The following MIPEP variants were observed in gnomAD, a reference collection of about 807,000 sequenced individuals.
MIPEP encodes the protein mitochondrial intermediate peptidase.
A neutral mutation model predicts 90.3 loss-of-function variants in MIPEP; 79 were observed. The observed-to-expected ratio is 0.87, with a 90% CI of 0.73 to 1.05. The LOEUF (loss-of-function observed/expected upper bound fraction) is 1.05. MIPEP is among the 50% of genes least tolerant of loss of function. MIPEP has a pLI of 0.00. For synonymous variants in MIPEP, 334 were observed against 315.8 expected, an observed-to-expected ratio of 1.06 and a Z score of -0.61; for missense variants, 940 against 905.6, an observed-to-expected ratio of 1.04 and a Z score of -0.49.
At chr13:23,854,901 G>GAAAA (rs58441886) in intron 10 of MIPEP, among the ~76,000 whole-genome samples, 3 of 148,158 alleles carry the variant, frequency 2.0e-5, no homozygotes, top group Non-Finnish European at 3.0e-5. Flanking sequence ...CAAAAAAAAA[G>GAAAA]AAAAAAAAAC....
intron 14 of MIPEP, among the ~76,000 whole-genome samples, chr13:23,815,939 ATCTC>A (rs1183930031): frequency 3.3e-5 from 5 of 152,150 alleles, no homozygotes; most frequent in Non-Finnish European, 5.9e-5. Context: ...TAATCAGAAA[ATCTC>A]TCTCTTCTGA....
intron 14 of MIPEP, among the ~76,000 whole-genome samples, chr13:23,815,983 A>C (rs546198016): frequency 6.6e-6 from 1 of 152,352 alleles, no homozygotes; most frequent in African/African-American, 2.4e-5. Flanking sequence ...CTATAAGTCT[A>C]GATAGTTCAG....
At chr13:23,730,794 T>G (rs1952196356) in intron 18 of MIPEP, among the ~76,000 whole-genome samples, 1 of 152,238 alleles carries the variant, frequency 6.6e-6, no homozygotes, top group Admixed American at 6.5e-5. Context: ...TGATTCACAA[T>G]TTAACAAGTT....
At chr13:23,873,266 G>GA (rs1870914753) in intron 5 of MIPEP, among the ~76,000 whole-genome samples, 2 of 152,332 alleles carry the variant, frequency 1.3e-5, no homozygotes, top group South Asian at 4.1e-4. Flanking sequence ...GCACAGCCAC[G>GA]AGTGTGAGCT....
chr13:23,882,568 GTTC>G (rs1871313995), intron 2 of MIPEP, among the ~76,000 whole-genome samples: 1 of 152,110 alleles, frequency 6.6e-6, no homozygotes, highest in African/African-American at 2.4e-5. Flanking sequence ...ATGAGTGACA[GTTC>G]TTTTTTAAAA....
At chr13:23,774,598 A>G (rs7320260) in intron 16 of MIPEP, among the ~76,000 whole-genome samples, 117,967 of 151,952 alleles carry the variant, frequency 0.78, 46,197 homozygotes, top group Admixed American at 0.83. Flanking sequence ...TTTACAGTTT[A>G]TACTTTACAA....
At chr13:23,776,132 C>A (rs1010831151) in intron 16 of MIPEP, among the ~76,000 whole-genome samples, 1 of 152,090 alleles carries the variant, frequency 6.6e-6, no homozygotes, top group Admixed American at 6.6e-5. Context: ...TTTTTGCCTG[C>A]AGCTTATATC....
chr13:23,813,165 G>GT (rs1289138757), intron 14 of MIPEP, among the ~76,000 whole-genome samples: 8 of 151,988 alleles, frequency 5.3e-5, no homozygotes, highest in Non-Finnish European at 1.2e-4. Flanking sequence ...TTTTAAAGTT[G>GT]TATCTAAAGT....
chr13:23,764,487 G>A (rs968090798), intron 16 of MIPEP, among the ~76,000 whole-genome samples: 2 of 152,216 alleles, frequency 1.3e-5, no homozygotes, highest in Non-Finnish European at 2.9e-5. Context: ...ACAGGGGCTA[G>A]TGCAGAGCAA....
chr13:23,832,261 T>C (rs1362169898), intron 14 of MIPEP, among the ~76,000 whole-genome samples: 3 of 152,192 alleles, frequency 2.0e-5, no homozygotes, highest in Admixed American at 2.0e-4. Context: ...TGTGAGGCCC[T>C]GAGCCACCTT....
Position 23,841,390 on chromosome 13 carries a change from A to G in MIPEP, c.1205T>C (p.Leu402Ser), listed in dbSNP as rs150781616. The G allele has an allele frequency of 1.5e-5, 25 of 1,614,126 alleles. No homozygotes were observed. The highest frequency in any genetic ancestry group is 1.6e-4 in the Middle Eastern group (1 of 6,062). ...TCCTTTTGCAGGCTGCTCTGCATAT[A>G]ATGAAATCCCCAACAGTCTGTTAAG... Reference protein sequence around the residue: ...ILLNRLLGISLYAEQPAKGEV... With the variant: ...ILLNRLLGISSYAEQPAKGEV... Residue 402 changes from leucine (L) to serine (S), a missense_variant, in exon 11 of 19, where the codon TTA becomes TCA. Coordinates refer to ENST00000382172, the MANE Select transcript of MIPEP (RefSeq NM_005932.4).
intron 16 of MIPEP, chr13:23,760,443 C>G (rs1952529605): frequency 2.8e-6 from 2 of 713,886 alleles, no homozygotes; most frequent in Admixed American, 3.8e-5. Flanking sequence ...AAAGCCATAC[C>G]TCAGAATGTG....
At chr13:23,781,501 T>C (rs9580753) in intron 16 of MIPEP, among the ~76,000 whole-genome samples, 11,969 of 152,226 alleles carry the variant, frequency 0.079, 1,568 homozygotes, top group African/African-American at 0.27. Context: ...TGCAAAAACA[T>C]GCCAAATTGT....
At chr13:23,803,860 T>A (rs2137397075) in intron 16 of MIPEP, among the ~76,000 whole-genome samples, 1 of 152,118 alleles carries the variant, frequency 6.6e-6, no homozygotes, top group Admixed American at 6.6e-5. Flanking sequence ...TCTCAGACAC[T>A]TTTTTTTAAA....
In MIPEP at chr13:23,874,910, C is replaced by T. The variant is rs561112182; in HGVS notation, c.540-1G>A. ...AAACATAAACAGTTCAGCCACTCGC[C>T]TATAAATGAAATGAGCCCCAGGTTA... On this transcript the variant is annotated splice_acceptor_variant, in intron 4 of 18. Coordinates refer to ENST00000382172, the MANE Select transcript of MIPEP (RefSeq NM_005932.4). LOFTEE classifies it high-confidence loss of function. The T allele has an allele frequency of 1.8e-5, 28 of 1,595,976 alleles. No individual in the cohort carries two copies. Among genetic ancestry groups the T allele is most frequent in the South Asian group, 1.7e-4 (15 of 86,822 alleles).
intron 16 of MIPEP, among the ~76,000 whole-genome samples, chr13:23,799,532 T>C (rs1740819677): frequency 6.6e-6 from 1 of 150,744 alleles, no homozygotes; most frequent in African/African-American, 2.4e-5. Flanking sequence ...TTCACCGTGT[T>C]AGCCAGGATG....
intron 14 of MIPEP, among the ~76,000 whole-genome samples, chr13:23,827,392 C>G (rs1868517340): frequency 6.6e-6 from 1 of 152,012 alleles, no homozygotes; most frequent in African/African-American, 2.4e-5. Flanking sequence ...GAAAAGAAAG[C>G]CCAAAGAGGC....
At position 23,791,089 on chromosome 13, in the gene MIPEP, A is replaced by G. The variant is rs538627829; in HGVS notation, c.1848+14861T>C. On this transcript the variant is annotated intron_variant, in intron 16 of 18. Coordinates refer to ENST00000382172, the MANE Select transcript of MIPEP (RefSeq NM_005932.4). ...CACAATCCACTTCCAAATGTTCACC[A>G]GGCCAGAGCTCCCTCATGTGCTCAC... Among the ~76,000 whole-genome samples, 33 of 152,262 alleles carry G rather than the reference A, an allele frequency of 2.2e-4. No homozygotes were observed. In the East Asian group the frequency reaches 5.0e-3, roughly 23 times the overall value.
intron 14 of MIPEP, among the ~76,000 whole-genome samples, chr13:23,829,119 C>G (rs567680708): frequency 2.0e-5 from 3 of 152,100 alleles, no homozygotes; most frequent in Non-Finnish European, 4.4e-5. Context: ...GTTACTCACA[C>G]GGAAGAAAGT....
Sources: allele counts gnomAD v4.1 joint callset (sites outside exome capture counted in the v4.1 genomes callset), GRCh38; gene constraint gnomAD v4.1.1; transcripts MANE v1.5; gene names NCBI Gene and HGNC (gene_info 2026-07-23, HGNC 2026-07-21).